Variants in QTGAL observed in about 807,000 individuals in gnomAD.
QTGAL encodes the protein queuosine-tRNA galactosyltransferase, also known as BGnT-like protein 1.
chr17:82,974,969 A>G, the QTGAL span, among the ~76,000 whole-genome samples: 1 of 107,048 alleles, frequency 9.3e-6, no homozygotes, highest in African/African-American at 5.5e-5. Flanking sequence ...GGAGGCCACT[A>G]TGGAGAGTCA....
the QTGAL span, among the ~76,000 whole-genome samples, chr17:82,974,897 G>A: frequency 1.9e-4 from 29 of 150,564 alleles, no homozygotes; most frequent in African/African-American, 6.1e-4. Context: ...CCCAGGGGCC[G>A]GAGGCCACTT....
At chr17:82,970,227 A>G in the QTGAL span, among the ~76,000 whole-genome samples, 1 of 152,156 alleles carries the variant, frequency 6.6e-6, no homozygotes, top group South Asian at 2.1e-4. Flanking sequence ...TGCCAGTTCC[A>G]GGCAGGGGGC....
At chr17:82,964,733 C>T in the QTGAL span, among the ~76,000 whole-genome samples, 23,412 of 65,936 alleles carry the variant, frequency 0.36, 3,156 homozygotes, top group Admixed American at 0.48. Flanking sequence ...GGGACACGGA[C>T]GCCTGCAGGT....
chr17:82,989,325 C>T, the QTGAL span, among the ~76,000 whole-genome samples: 1 of 151,498 alleles, frequency 6.6e-6, no homozygotes, highest in Non-Finnish European at 1.5e-5. Flanking sequence ...GGGAACAACA[C>T]ACACTACGGC....
At chr17:82,971,041 G>A in the QTGAL span, among the ~76,000 whole-genome samples, 9 of 152,114 alleles carry the variant, frequency 5.9e-5, no homozygotes, top group Non-Finnish European at 1.2e-4. Flanking sequence ...TCCTGCGAGG[G>A]CTCACTCAGC....
At chr17:83,035,105 G>A in the QTGAL span, 3 of 1,608,364 alleles carry the variant, frequency 1.9e-6, no homozygotes, top group Admixed American at 5.0e-5. Flanking sequence ...TCCGACTGTG[G>A]AAAAAAGAAG....
At chr17:82,992,508 G>C in the QTGAL span, among the ~76,000 whole-genome samples, 1 of 152,090 alleles carries the variant, frequency 6.6e-6, no homozygotes, top group East Asian at 1.9e-4. Flanking sequence ...GACTTTCCCA[G>C]ACAAACAAAA....
At chr17:82,954,550 A>G in the QTGAL span, among the ~76,000 whole-genome samples, 1 of 152,300 alleles carries the variant, frequency 6.6e-6, no homozygotes, top group East Asian at 1.9e-4. Flanking sequence ...TATCATGAAA[A>G]TGGCCATAAA....
the QTGAL span, among the ~76,000 whole-genome samples, chr17:83,041,203 GAGAC>G: frequency 6.6e-6 from 1 of 152,082 alleles, no homozygotes; most frequent in Non-Finnish European, 1.5e-5. Flanking sequence ...TCTGAAAATG[GAGAC>G]AAAGAAGAAT....
the QTGAL span, among the ~76,000 whole-genome samples, chr17:83,000,379 C>T: frequency 3.3e-5 from 5 of 152,158 alleles, no homozygotes; most frequent in African/African-American, 9.7e-5. Flanking sequence ...GCGGCTGTGC[C>T]GGCAGGAGGG....
chr17:82,968,184 T>C, the QTGAL span, among the ~76,000 whole-genome samples: 2 of 151,446 alleles, frequency 1.3e-5, no homozygotes, highest in African/African-American at 2.4e-5. Context: ...CCCGTCCCCG[T>C]GTGTTCACGG....
At chr17:82,959,578 C>T in the QTGAL span, among the ~76,000 whole-genome samples, 7 of 151,824 alleles carry the variant, frequency 4.6e-5, no homozygotes, top group Middle Eastern at 3.4e-3. Context: ...CTTAGCAGCC[C>T]GGGTGTGTTG....
At chr17:83,013,164 C>T in the QTGAL span, among the ~76,000 whole-genome samples, 1 of 152,162 alleles carries the variant, frequency 6.6e-6, no homozygotes, top group Non-Finnish European at 1.5e-5. Flanking sequence ...CCTGCCCTCA[C>T]AGAAAATGTG....
At chr17:82,981,996 C>T in the QTGAL span, among the ~76,000 whole-genome samples, 86,840 of 151,540 alleles carry the variant, frequency 0.57, 25,337 homozygotes, top group East Asian at 0.78. Context: ...TTCTCACCTC[C>T]GTGGTGATGG....
the QTGAL span, among the ~76,000 whole-genome samples, chr17:82,979,041 C>A: frequency 7.2e-5 from 11 of 151,822 alleles, no homozygotes; most frequent in African/African-American, 2.7e-4. Context: ...GGTCTGAGGA[C>A]AAAAAACTCA....
At chr17:82,959,051 TGTG>T in the QTGAL span, among the ~76,000 whole-genome samples, 1 of 65,548 alleles carries the variant, frequency 1.5e-5, no homozygotes, top group Admixed American at 2.1e-4. Context: ...GGGTGTATGG[TGTG>T]TGTGTGTGTA....
At chr17:83,013,819 C>T in the QTGAL span, among the ~76,000 whole-genome samples, 17,542 of 152,148 alleles carry the variant, frequency 0.12, 1,078 homozygotes, top group South Asian at 0.2. Flanking sequence ...AAGTGATCAC[C>T]GCTGTGATTC....
At chr17:82,965,650 C>T in the QTGAL span, 8 of 1,605,488 alleles carry the variant, frequency 5.0e-6, no homozygotes, top group Non-Finnish European at 3.4e-6. Context: ...TCGGCCCTTA[C>T]CTGACCTCCC....
At chr17:83,040,439 A>G in the QTGAL span, among the ~76,000 whole-genome samples, 1 of 152,220 alleles carries the variant, frequency 6.6e-6, no homozygotes. Flanking sequence ...TTACAATCAA[A>G]GCTAAGAACA....
Sources: allele counts gnomAD v4.1 joint callset (sites outside exome capture counted in the v4.1 genomes callset), GRCh38; gene constraint gnomAD v4.1.1; transcripts MANE v1.5; gene names NCBI Gene and HGNC (gene_info 2026-07-23, HGNC 2026-07-21).